Variants in ZNF804B observed in about 807,000 individuals in gnomAD.
ZNF804B encodes the protein zinc finger protein 804B.
A neutral mutation model predicts 101.4 loss-of-function variants in ZNF804B; 80 were observed. The observed-to-expected ratio is 0.79, with a 90% CI of 0.66 to 0.95. The LOEUF is 0.95. ZNF804B is among the 40% of genes least tolerant of loss of function. The pLI is 0.00. For missense variants in ZNF804B, 1,673 were observed against 1,561.9 expected (o/e 1.07, Z -1.20); for synonymous variants, 622 against 558.8 (o/e 1.11, Z -1.59).
At chr7:88,800,692 T>TTGTGTGTGTGTGTG (rs6150209) in intron 1 of ZNF804B, among the ~76,000 whole-genome samples, 188 of 146,712 alleles carry the variant, frequency 1.3e-3, no homozygotes, top group Middle Eastern at 3.4e-3. Flanking sequence ...TAGATATGAT[T>TTGTGTGTGTGTGTG]TGTGTGTGTG....
intron 1 of ZNF804B, among the ~76,000 whole-genome samples, chr7:88,819,834 G>A (rs1790947774): frequency 6.6e-6 from 1 of 152,100 alleles, no homozygotes; most frequent in African/African-American, 2.4e-5. Flanking sequence ...TCCACTGCTT[G>A]AAATCCTGGC....
intron 1 of ZNF804B, among the ~76,000 whole-genome samples, chr7:89,146,791 T>A (rs1363323486): frequency 1.3e-5 from 2 of 151,954 alleles, no homozygotes; most frequent in African/African-American, 4.8e-5. Flanking sequence ...TTCGGGAGGC[T>A]GAGACGGGGT....
intron 1 of ZNF804B, among the ~76,000 whole-genome samples, chr7:89,201,510 G>A (rs991122036): frequency 6.6e-5 from 10 of 151,914 alleles, no homozygotes; most frequent in Non-Finnish European, 1.3e-4. Flanking sequence ...ACCAAAAGCC[G>A]AGACTTCCAA....
intron 1 of ZNF804B, among the ~76,000 whole-genome samples, chr7:89,118,616 A>G (rs1471485561): frequency 1.3e-5 from 2 of 152,178 alleles, no homozygotes; most frequent in Non-Finnish European, 2.9e-5. Context: ...CCCGGCTCTC[A>G]TACTTTTAAT....
intron 1 of ZNF804B, among the ~76,000 whole-genome samples, chr7:89,102,353 T>A (rs1267492465): frequency 6.6e-6 from 1 of 151,986 alleles, no homozygotes; most frequent in Non-Finnish European, 1.5e-5. Context: ...TCTGTTTTGT[T>A]TTGTTTTGTT....
chr7:88,862,908 A>G lies in ZNF804B; in HGVS notation c.108+102824A>G, dbSNP rs115196988. Among the ~76,000 whole-genome samples the G allele has an allele frequency of 6.3e-3, 952 of 152,230 alleles. 9 individuals carry two copies. The highest frequency in any genetic ancestry group is 0.022 in the African/African-American group (913 of 41,534). On this transcript the variant is annotated intron_variant, in intron 1 of 3. Transcript: ENST00000333190. ...GAGAAACCATTTCACACCTGTATCA[A>G]TGCAGTGCTCTCTATTCGTCATCCC... is the stretch of plus-strand genomic sequence containing the variant.
chr7:88,788,643 A>T (rs1790337178), intron 1 of ZNF804B, among the ~76,000 whole-genome samples: 1 of 152,120 alleles, frequency 6.6e-6, no homozygotes, highest in Admixed American at 6.6e-5. Flanking sequence ...CTTTTTTACC[A>T]TTGTATCTTC....
intron 1 of ZNF804B, among the ~76,000 whole-genome samples, chr7:89,192,091 G>A (rs1332092884): frequency 6.6e-6 from 1 of 151,984 alleles, no homozygotes; most frequent in African/African-American, 2.4e-5. Flanking sequence ...AAATAAATTA[G>A]ACTTATCATT....
chr7:88,885,382 G>C (rs1020779009), intron 1 of ZNF804B, among the ~76,000 whole-genome samples: 6 of 151,356 alleles, frequency 4.0e-5, no homozygotes, highest in Admixed American at 1.3e-4. Flanking sequence ...GGTTTTCTCT[G>C]TGACTGCTGC....
chr7:89,083,076 A>C (rs1789720678), intron 1 of ZNF804B, among the ~76,000 whole-genome samples: 1 of 151,762 alleles, frequency 6.6e-6, no homozygotes, highest in African/African-American at 2.4e-5. Context: ...ATGTCCTTTG[A>C]AGTTTTGTAA....
At chr7:89,053,726 TTCTC>T (rs1208633981) in intron 1 of ZNF804B, among the ~76,000 whole-genome samples, 1 of 150,796 alleles carries the variant, frequency 6.6e-6, no homozygotes, top group African/African-American at 2.4e-5. Context: ...TGCTCTCTCT[TTCTC>T]TCTCTCTCTC....
intron 1 of ZNF804B, among the ~76,000 whole-genome samples, chr7:89,191,000 G>A (rs1788448220): frequency 6.6e-6 from 1 of 152,234 alleles, no homozygotes; most frequent in South Asian, 2.1e-4. Flanking sequence ...TTGCTTCATT[G>A]CAATGTTTGC....
In ZNF804B at chr7:89,318,787, C is replaced by G. The variant is rs147690842; in HGVS notation, c.250-8557C>G. ...TGAGACCAGCTCATTCGGAGAGACT[C>G]TAACCCAGCGGCGCTAGAGGAATTA... is the stretch of plus-strand genomic sequence containing the variant. On this transcript the variant is annotated intron_variant, in intron 2 of 3. Transcript: ENST00000333190. Among the ~76,000 whole-genome samples the G allele has an allele frequency of 6.0e-3, 906 of 152,152 alleles. 10 individuals are homozygous for G. The highest frequency in any genetic ancestry group is 0.02 in the African/African-American group (847 of 41,516).
chr7:88,938,275 G>A (rs1793002331), intron 1 of ZNF804B, among the ~76,000 whole-genome samples: 2 of 151,988 alleles, frequency 1.3e-5, no homozygotes, highest in Admixed American at 1.3e-4. Flanking sequence ...TATAATGGCT[G>A]CCCTTAGAGA....
intron 1 of ZNF804B, among the ~76,000 whole-genome samples, chr7:89,147,910 G>T (rs1211957708): frequency 6.6e-6 from 1 of 151,626 alleles, no homozygotes; most frequent in African/African-American, 2.4e-5. Flanking sequence ...ATGCTGAGTT[G>T]TATAATTATT....
chr7:89,297,091 A>G (rs1790395776), intron 2 of ZNF804B, among the ~76,000 whole-genome samples: 1 of 152,032 alleles, frequency 6.6e-6, no homozygotes, highest in South Asian at 2.1e-4. Flanking sequence ...AAATCATATA[A>G]AACTATCTTA....
At chr7:88,946,693 G>C (rs1584032312) in intron 1 of ZNF804B, among the ~76,000 whole-genome samples, 1 of 150,738 alleles carries the variant, frequency 6.6e-6, no homozygotes, top group South Asian at 2.1e-4. Context: ...TTTCCTCTTT[G>C]TATCTCTGGT....
At chr7:89,115,316 T>G (rs1206947542) in intron 1 of ZNF804B, among the ~76,000 whole-genome samples, 1 of 152,232 alleles carries the variant, frequency 6.6e-6, no homozygotes, top group Non-Finnish European at 1.5e-5. Context: ...AGAGCTTTAC[T>G]CTTAACAGGA....
At chr7:89,129,011 A>G (rs1790509742) in intron 1 of ZNF804B, among the ~76,000 whole-genome samples, 1 of 151,932 alleles carries the variant, frequency 6.6e-6, no homozygotes, top group Non-Finnish European at 1.5e-5. Context: ...CTGCTCCACA[A>G]TAGATTCCTG....
Sources: allele counts gnomAD v4.1 joint callset (sites outside exome capture counted in the v4.1 genomes callset), GRCh38; gene constraint gnomAD v4.1.1; transcripts MANE v1.5; gene names NCBI Gene and HGNC (gene_info 2026-07-23, HGNC 2026-07-21).